CYP2J2: variants seen among roughly 807,000 people sequenced by gnomAD.
CYP2J2 encodes cytochrome P450 family 2 subfamily J member 2.
Under a neutral mutation model 48.8 loss-of-function variants are expected in CYP2J2, and 41 were observed. The ratio of observed to expected loss-of-function variants is 0.84; its 90% CI spans 0.66 to 1.09. The LOEUF is 1.09. Among genes scored for constraint, CYP2J2 ranks in the 50% least tolerant of loss-of-function variants. The probability of loss-of-function intolerance (pLI) is 0.00; values close to 1 mark genes in which losing one functional copy is unlikely to be tolerated. For missense variants in CYP2J2, 644 were observed against 617.3 expected (o/e 1.04, Z -0.46); for synonymous variants, 221 against 227.1 (o/e 0.97, Z 0.24).
At chr1:59,896,768 A>G (rs1644273406) in intron 8 of CYP2J2, among the ~76,000 whole-genome samples, 1 of 152,208 alleles carries the variant, frequency 6.6e-6, no homozygotes, top group Admixed American at 6.5e-5. Flanking sequence ...CAATAATTTT[A>G]AAAAGCATGA....
At chr1:59,894,630 A>G (rs1644253260) in intron 8 of CYP2J2, among the ~76,000 whole-genome samples, 1 of 152,258 alleles carries the variant, frequency 6.6e-6, no homozygotes, top group South Asian at 2.1e-4. Context: ...CATTGTGCAT[A>G]TTAGTGAAAA....
intron 8 of CYP2J2, among the ~76,000 whole-genome samples, chr1:59,894,717 T>C (rs1235753158): frequency 6.6e-6 from 1 of 152,236 alleles, no homozygotes; most frequent in Non-Finnish European, 1.5e-5. Context: ...AATAATTTAA[T>C]AATTTATACC....
At chr1:59,968,420 C>T in the CYP2J2 span, among the ~76,000 whole-genome samples, 1 of 152,158 alleles carries the variant, frequency 6.6e-6, no homozygotes, top group East Asian at 1.9e-4. Flanking sequence ...CACCTAAGTA[C>T]CTGGACCCTC....
chr1:59,903,822 T>C (rs1296130857), intron 7 of CYP2J2, among the ~76,000 whole-genome samples: 1 of 152,234 alleles, frequency 6.6e-6, no homozygotes, highest in Non-Finnish European at 1.5e-5. Flanking sequence ...AGAACAGATC[T>C]GCTTCCAGAT....
chr1:59,934,989 GATAT>G, the CYP2J2 span, among the ~76,000 whole-genome samples: 945 of 58,388 alleles, frequency 0.016, 30 homozygotes, highest in East Asian at 0.036. Flanking sequence ...AAGAAAATGG[GATAT>G]ATATATATAT....
the CYP2J2 span, among the ~76,000 whole-genome samples, chr1:59,963,807 T>C: frequency 2.0e-5 from 3 of 152,204 alleles, no homozygotes; most frequent in African/African-American, 7.2e-5. Context: ...TGTTTTCTCA[T>C]CTGCAAACAA....
the CYP2J2 span, among the ~76,000 whole-genome samples, chr1:59,944,637 C>G: frequency 2.0e-5 from 3 of 152,198 alleles, no homozygotes; most frequent in Non-Finnish European, 4.4e-5. Context: ...CCAAGAGTCT[C>G]TATTTCCTAC....
the CYP2J2 span, among the ~76,000 whole-genome samples, chr1:59,956,016 C>T: frequency 2.6e-5 from 4 of 151,996 alleles, no homozygotes; most frequent in Non-Finnish European, 2.9e-5. Context: ...AAAGCTATTA[C>T]GCATTTATAT....
intron 7 of CYP2J2, among the ~76,000 whole-genome samples, chr1:59,901,369 A>AG (rs1258033501): frequency 6.6e-6 from 1 of 152,168 alleles, no homozygotes; most frequent in African/African-American, 2.4e-5. Context: ...GCTTCCTTAC[A>AG]GGGACAGGTC....
intron 8 of CYP2J2, among the ~76,000 whole-genome samples, chr1:59,897,686 C>G (rs9659919): frequency 6.6e-6 from 1 of 152,116 alleles, no homozygotes. Flanking sequence ...AGGAACTGGG[C>G]TCATGTATTT....
intron 2 of CYP2J2, chr1:59,912,574 T>A: frequency 3.0e-6 from 1 of 334,782 alleles, no homozygotes; most frequent in Non-Finnish European, 5.4e-6. Flanking sequence ...GTACAATTAT[T>A]ACCACCCCAC....
chr1:59,955,304 A>G, the CYP2J2 span, among the ~76,000 whole-genome samples: 1 of 126,182 alleles, frequency 7.9e-6, no homozygotes, highest in East Asian at 2.3e-4. Flanking sequence ...ATATATATAT[A>G]TCCATATATA....
the CYP2J2 span, among the ~76,000 whole-genome samples, chr1:59,944,088 C>A: frequency 2.0e-4 from 30 of 149,676 alleles, no homozygotes; most frequent in Admixed American, 5.3e-4. Flanking sequence ...AATAAAATAT[C>A]TTAGCCGTTT....
chr1:59,917,268 G>A (rs762311580), intron 1 of CYP2J2, among the ~76,000 whole-genome samples: 3 of 152,164 alleles, frequency 2.0e-5, no homozygotes, highest in South Asian at 2.1e-4. Context: ...AGCTCTGTGT[G>A]CAGAGGGCCG....
chr1:59,958,540 A>G, the CYP2J2 span, among the ~76,000 whole-genome samples: 1 of 148,690 alleles, frequency 6.7e-6, no homozygotes, highest in South Asian at 2.1e-4. Flanking sequence ...CCTTCCTAGA[A>G]CATCCCAGTT....
At chr1:59,949,787 A>G in the CYP2J2 span, among the ~76,000 whole-genome samples, 1 of 151,068 alleles carries the variant, frequency 6.6e-6, no homozygotes, top group Non-Finnish European at 1.5e-5. Flanking sequence ...CTTCCTTTAC[A>G]GAAGTCTTCT....
rs139196488 is a variant in CYP2J2 at position 59,904,966 on chromosome 1, T to A, written c.1096A>T (p.Ile366Phe). 6.2e-7 allele frequency: 1 copy of A among 1,613,752 alleles called. No individual in the cohort carries two copies. The highest frequency in any genetic ancestry group is 1.7e-4 in the Middle Eastern group (1 of 6,060). Residue 366 changes from isoleucine (I) to phenylalanine (F), a missense_variant, in exon 7 of 9, where the codon ATC becomes TTC. Transcript: ENST00000371204. ...TTGCCCATTCTCTGCACCTCATGGATGACAGCATTGGTGTAGGGCATGGAC... is the reference window on the plus strand; with the variant it reads ...TTGCCCATTCTCTGCACCTCATGGAAGACAGCATTGGTGTAGGGCATGGAC... ...RESMPYTNAV[I>F]HEVQRMGNII...
At chr1:59,924,995 T>C (rs1015104242) in intron 1 of CYP2J2, among the ~76,000 whole-genome samples, 1 of 152,034 alleles carries the variant, frequency 6.6e-6, no homozygotes, top group Non-Finnish European at 1.5e-5. Context: ...AGAAAAAAAG[T>C]TGTGGCTATA....
At chr1:59,909,631 T>C (rs1333405908) in intron 5 of CYP2J2, among the ~76,000 whole-genome samples, 153 bp downstream of exon 5, 1 of 152,210 alleles carries the variant, frequency 6.6e-6, no homozygotes, top group Admixed American at 6.5e-5. Context: ...GTGAAGCTGA[T>C]TTCATACTTC....
Sources: gnomAD v4.1 joint callset for allele counts (sites outside exome capture counted in the v4.1 genomes callset) on GRCh38, gnomAD v4.1.1 for gene constraint, MANE v1.5 for transcripts, NCBI Gene and HGNC (gene_info 2026-07-23, HGNC 2026-07-21) for gene names.